PCOLCE2: variants seen among roughly 807,000 people sequenced by gnomAD.
The protein encoded by PCOLCE2 is procollagen C-endopeptidase enhancer 2.
In PCOLCE2, 42 loss-of-function variants were observed where a neutral mutation model predicts 47.0. The observed-to-expected ratio is 0.89, with a 90% CI of 0.70 to 1.16. The LOEUF (loss-of-function observed/expected upper bound fraction) is 1.16. Among genes scored for constraint, PCOLCE2 ranks in the 50% most tolerant of loss-of-function variants. PCOLCE2 has a pLI of 0.00. For synonymous variants in PCOLCE2, 169 were observed against 191.7 expected (o/e 0.88, Z 0.98); for missense variants, 500 against 526.1 (o/e 0.95, Z 0.49).
At chr3:142,888,698 G>T in intron 1 of PCOLCE2, 116 bp downstream of exon 1, 1 of 592,932 alleles carries the variant, frequency 1.7e-6, no homozygotes, top group Non-Finnish European at 2.7e-6. Context: ...GGAGCGCAGG[G>T]TCGAGCGCTG....
intron 6 of PCOLCE2, among the ~76,000 whole-genome samples, chr3:142,829,193 C>T (rs577751117): frequency 1.1e-3 from 161 of 151,116 alleles, no homozygotes; most frequent in African/African-American, 3.8e-3. Flanking sequence ...CTCTGTACTT[C>T]GTTGAATATT....
At chr3:142,818,797 A>G (rs1936979811) in intron 8 of PCOLCE2, among the ~76,000 whole-genome samples, 1 of 152,222 alleles carries the variant, frequency 6.6e-6, no homozygotes, top group African/African-American at 2.4e-5. Context: ...TTCAACTAGT[A>G]AGGTATTTCA....
chr3:142,846,968 A>G (rs1386229262), intron 3 of PCOLCE2, among the ~76,000 whole-genome samples: 2 of 152,160 alleles, frequency 1.3e-5, no homozygotes, highest in Non-Finnish European at 2.9e-5. Context: ...ATCAGTTCTT[A>G]TTGACTGCTT....
chr3:142,829,872 T>A (rs761727788), intron 5 of PCOLCE2, 26 bp from the exon 6 acceptor site: 11 of 1,403,272 alleles, frequency 7.8e-6, no homozygotes, highest in African/African-American at 2.9e-5. Context: ...TGTGTTTTTT[T>A]ATAAATACTT....
In PCOLCE2 at chr3:142,842,435, C is replaced by T. The variant is rs1438384465; in HGVS notation, c.573+489G>A. On this transcript the variant is annotated intron_variant, in intron 4 of 8. Transcript: ENST00000295992. The surrounding 1 kb of genome is among the most constrained non-coding windows in gnomAD (Gnocchi z 4.1). Reference sequence around the variant, plus strand: ...GGAAATTAAATCCATGAATTTGCAACTCAAAAAAATGCAAAGGCTAGGCCG... The same window carrying T: ...GGAAATTAAATCCATGAATTTGCAATTCAAAAAAATGCAAAGGCTAGGCCG... 6.6e-6 allele frequency among the ~76,000 whole-genome samples: 1 copy of T among 151,998 alleles called. No homozygotes were observed. Among genetic ancestry groups the T allele is most frequent in the Non-Finnish European group, 1.5e-5 (1 of 67,990 alleles).
intron 6 of PCOLCE2, among the ~76,000 whole-genome samples, chr3:142,824,709 G>C (rs991860822): frequency 6.6e-6 from 1 of 152,082 alleles, no homozygotes; most frequent in East Asian, 1.9e-4. Flanking sequence ...GTGTGATCTT[G>C]GCTCACTGCA....
chr3:142,863,351 G>A (rs557725864), intron 2 of PCOLCE2, among the ~76,000 whole-genome samples: 6 of 152,344 alleles, frequency 3.9e-5, no homozygotes, highest in Non-Finnish European at 5.9e-5. Flanking sequence ...GAGGGACAGA[G>A]GGTGTCATAA....
At chr3:142,824,560 C>T (rs1937052386) in intron 6 of PCOLCE2, among the ~76,000 whole-genome samples, 1 of 152,160 alleles carries the variant, frequency 6.6e-6, no homozygotes, top group East Asian at 1.9e-4. Context: ...ACAGAATTGC[C>T]CTTGTTGGGT....
chr3:142,888,070 C>T (rs1933748666), intron 1 of PCOLCE2, among the ~76,000 whole-genome samples: 1 of 152,164 alleles, frequency 6.6e-6, no homozygotes, highest in South Asian at 2.1e-4. Context: ...ATGGTAAATA[C>T]ATCAATTTAA....
At chr3:142,888,210 C>T (rs1933750862) in intron 1 of PCOLCE2, among the ~76,000 whole-genome samples, 1 of 152,202 alleles carries the variant, frequency 6.6e-6, no homozygotes, top group African/African-American at 2.4e-5. Flanking sequence ...CCCAGTTCTC[C>T]TCCCCCTTTC....
In PCOLCE2 at chr3:142,842,654, G is replaced by A. The variant is rs2883379; in HGVS notation, c.573+270C>T. 0.18 allele frequency among the ~76,000 whole-genome samples: 26,977 copies of A among 151,690 alleles called. 2,696 individuals are homozygous for A. Among genetic ancestry groups the A allele is most frequent in the Non-Finnish European group, 0.23 (15,458 of 67,920 alleles). On this transcript the variant is annotated intron_variant, in intron 4 of 8. Transcript: ENST00000295992. This position sits in a 1 kb window ranked among gnomAD's most constrained non-coding sequence, Gnocchi z 4.1. ...CTCGTGAGGCTGAGGCAGGAGAATC[G>A]CTTGAACCCAGGAGGTGGAGGTTGC...
At chr3:142,886,936 A>G (rs1481773901) in intron 2 of PCOLCE2, among the ~76,000 whole-genome samples, 2 of 152,194 alleles carry the variant, frequency 1.3e-5, no homozygotes, top group African/African-American at 2.4e-5. Context: ...TCAGTGAACC[A>G]ACGTATTCAA....
chr3:142,823,651 G>C, intron 6 of PCOLCE2, 36 bp from the exon 7 acceptor site: 1 of 1,222,822 alleles, frequency 8.2e-7, no homozygotes, highest in Non-Finnish European at 1.2e-6. Context: ...CACGAAAAAT[G>C]AATTCAAGCA....
At chr3:142,852,008 C>CA (rs2108199286) in intron 2 of PCOLCE2, among the ~76,000 whole-genome samples, 1 of 152,288 alleles carries the variant, frequency 6.6e-6, no homozygotes, top group South Asian at 2.1e-4. Flanking sequence ...ATATGATCAG[C>CA]AATAGAAACT....
At position 142,821,532 on chromosome 3, in the gene PCOLCE2, G is replaced by A. The variant is rs1937015510; in HGVS notation, c.950-487C>T. ...GTGTCTCTCCTCACCCTTCTCTGTAGCTGTCCTTTCTTCCTGAACTTTTGT... is the reference window on the plus strand; with the variant it reads ...GTGTCTCTCCTCACCCTTCTCTGTAACTGTCCTTTCTTCCTGAACTTTTGT... On this transcript the variant is annotated intron_variant, in intron 7 of 8. Coordinates refer to ENST00000295992, the MANE Select transcript of PCOLCE2 (RefSeq NM_013363.4). 1.3e-5 allele frequency among the ~76,000 whole-genome samples: 2 copies of A among 152,044 alleles called. 1 individual carries two copies. The highest frequency in any genetic ancestry group is 4.1e-4 in the South Asian group (2 of 4,820).
intron 3 of PCOLCE2, among the ~76,000 whole-genome samples, chr3:142,847,665 T>C (rs1937342123): frequency 6.6e-6 from 1 of 152,168 alleles, no homozygotes; most frequent in Non-Finnish European, 1.5e-5. Context: ...GCCTCCCAAG[T>C]AGCTGGGACA....
intron 6 of PCOLCE2, among the ~76,000 whole-genome samples, chr3:142,824,327 TA>T (rs1375658854): frequency 6.6e-6 from 1 of 152,086 alleles, no homozygotes; most frequent in Non-Finnish European, 1.5e-5. Flanking sequence ...ATCTAGTGGG[TA>T]GATGCCGAGA....
intron 2 of PCOLCE2, among the ~76,000 whole-genome samples, chr3:142,883,258 C>G (rs1021854867): frequency 1.3e-5 from 2 of 149,508 alleles, no homozygotes; most frequent in Non-Finnish European, 3.0e-5. Flanking sequence ...TATACCTGTT[C>G]AAGGAGAGTT....
At chr3:142,849,033 G>A (rs2058936618) in intron 2 of PCOLCE2, among the ~76,000 whole-genome samples, 1 of 151,936 alleles carries the variant, frequency 6.6e-6, no homozygotes, top group Admixed American at 6.6e-5. Context: ...GGCGCCTGTA[G>A]TCCCAGCTAC....
Sources: gnomAD v4.1 joint callset for allele counts (sites outside exome capture counted in the v4.1 genomes callset) on GRCh38, gnomAD v4.1.1 for gene constraint, Gnocchi (gnomAD v3.1) non-coding constraint, MANE v1.5 for transcripts, NCBI Gene and HGNC (gene_info 2026-07-23, HGNC 2026-07-21) for gene names.